The following CSMD1 variants were observed in gnomAD, a reference collection of about 807,000 sequenced individuals.
CSMD1 encodes CUB and sushi domain-containing protein 1.
A neutral mutation model predicts 417.5 loss-of-function variants in CSMD1; 213 were observed. That is an observed-to-expected ratio of 0.51 (90% CI 0.46 to 0.57). The LOEUF (loss-of-function observed/expected upper bound fraction) is 0.57. Ranked by LOEUF, CSMD1 falls within the 20% of genes least tolerant of loss-of-function variation. The probability of loss-of-function intolerance (pLI) is 0.00; values close to 1 mark genes in which losing one functional copy is unlikely to be tolerated. For missense variants in CSMD1, 6,923 were observed against 4,529.7 expected (o/e 1.53, Z -15.17); for synonymous variants, 2,862 against 1,736.8 (o/e 1.65, Z -16.11).
At chr8:3,845,253 C>G (rs922771590) in intron 5 of CSMD1, among the ~76,000 whole-genome samples, 1 of 152,176 alleles carries the variant, frequency 6.6e-6, no homozygotes, top group African/African-American at 2.4e-5. Flanking sequence ...ACATAGTTTG[C>G]TGATTTGTCC....
At chr8:3,317,676 ATAC>A (rs1208829132) in intron 23 of CSMD1, among the ~76,000 whole-genome samples, 1 of 152,244 alleles carries the variant, frequency 6.6e-6, no homozygotes, top group Non-Finnish European at 1.5e-5. Flanking sequence ...TATCTGGTTA[ATAC>A]TACGTTTATT....
At chr8:3,831,452 G>T (rs138939577) in intron 5 of CSMD1, among the ~76,000 whole-genome samples, 2 of 152,100 alleles carry the variant, frequency 1.3e-5, no homozygotes, top group Admixed American at 6.6e-5. Context: ...AAACATCCAG[G>T]AGATTCCTTA....
At chr8:3,732,997 A>G (rs1003845149) in intron 6 of CSMD1, among the ~76,000 whole-genome samples, 10 of 152,044 alleles carry the variant, frequency 6.6e-5, no homozygotes, top group African/African-American at 2.4e-4. Context: ...CTACCTACCT[A>G]AAGATACGTG....
intron 5 of CSMD1, among the ~76,000 whole-genome samples, chr8:3,985,984 C>T (rs555075075): frequency 6.6e-6 from 1 of 151,842 alleles, no homozygotes; most frequent in African/African-American, 2.4e-5. Flanking sequence ...CCTCTGACTC[C>T]CATTTAAGCC....
intron 39 of CSMD1, among the ~76,000 whole-genome samples, chr8:3,155,877 T>A (rs1819498668): frequency 6.6e-6 from 1 of 152,240 alleles, no homozygotes; most frequent in Non-Finnish European, 1.5e-5. Context: ...CTGAAGTTTT[T>A]TGTTTTACAG....
intron 3 of CSMD1, among the ~76,000 whole-genome samples, chr8:4,292,977 G>T (rs941386317): frequency 6.6e-6 from 1 of 152,190 alleles, no homozygotes; most frequent in Non-Finnish European, 1.5e-5. Flanking sequence ...CAAAAGACGT[G>T]AACAGTCTCT....
chr8:4,124,270 G>C (rs1353200256), intron 3 of CSMD1, among the ~76,000 whole-genome samples: 2 of 152,074 alleles, frequency 1.3e-5, no homozygotes, highest in African/African-American at 2.4e-5. Context: ...GCACTGACTG[G>C]CAAATTAATA....
intron 1 of CSMD1, among the ~76,000 whole-genome samples, chr8:4,691,107 T>C (rs2116763161): frequency 6.6e-6 from 1 of 152,266 alleles, no homozygotes; most frequent in South Asian, 2.1e-4. Flanking sequence ...TTCCCCATCT[T>C]TATGACAGAA....
intron 5 of CSMD1, among the ~76,000 whole-genome samples, chr8:3,988,994 A>G (rs1459987431): frequency 1.3e-5 from 2 of 152,234 alleles, no homozygotes; most frequent in African/African-American, 4.8e-5. Flanking sequence ...AGAACTAGAT[A>G]CAGGTAAAAA....
chr8:4,890,418 G>T (rs542278228), intron 1 of CSMD1, among the ~76,000 whole-genome samples: 1 of 150,556 alleles, frequency 6.6e-6, no homozygotes, highest in Non-Finnish European at 1.5e-5. Context: ...AGGTGAGAGC[G>T]TGACTCCGAC....
At chr8:3,451,306 G>A (rs1211995308) in intron 12 of CSMD1, among the ~76,000 whole-genome samples, 3 of 152,164 alleles carry the variant, frequency 2.0e-5, no homozygotes, top group Admixed American at 1.3e-4. Context: ...CTGCACAGAA[G>A]CTCTTTAGTT....
intron 5 of CSMD1, among the ~76,000 whole-genome samples, chr8:3,907,147 C>T (rs1008201242): frequency 7.9e-5 from 12 of 152,212 alleles, no homozygotes; most frequent in African/African-American, 2.6e-4. Flanking sequence ...TTTCATGTTA[C>T]GTTGTGTATT....
At chr8:4,753,478 T>A (rs1811476866) in intron 1 of CSMD1, among the ~76,000 whole-genome samples, 2 of 151,010 alleles carry the variant, frequency 1.3e-5, no homozygotes, top group Admixed American at 1.3e-4. Flanking sequence ...TCTTATGAAT[T>A]TTCCCCTCCA....
In CSMD1 at chr8:3,387,565, G is replaced by A. The variant is rs774924372; in HGVS notation, c.2711C>T (p.Thr904Ile). Residue 904 changes from threonine (T) to isoleucine (I), a missense_variant, in exon 18 of 70, where the codon ACA (threonine) becomes ATA (isoleucine). Physicochemically the swap from Thr to Ile is moderately conservative, Grantham distance 89 (BLOSUM62 -1). Transcript: ENST00000635120. ...GACGAGGGGCTCGTCGTCACTTAGT[G>A]TGTACCCCGGGTCACAGCTGAAAGT... is the stretch of plus-strand genomic sequence containing the variant. Reference protein sequence around the residue: ...TVTFSCDPGYTLSDDEPLVCE... With the variant: ...TVTFSCDPGYILSDDEPLVCE... 1.2e-6 allele frequency: 2 copies of A among 1,601,468 alleles called. No individual in the cohort carries two copies. Among genetic ancestry groups the A allele is most frequent in the African/African-American group, 1.3e-5 (1 of 74,668 alleles).
chr8:4,726,676 G>C (rs181755682), intron 1 of CSMD1, among the ~76,000 whole-genome samples: 1 of 152,152 alleles, frequency 6.6e-6, no homozygotes, highest in Admixed American at 6.6e-5. Context: ...TTGCTCTGCT[G>C]CTGTCCTATT....
At chr8:3,506,512 T>C (rs1796834420) in intron 10 of CSMD1, among the ~76,000 whole-genome samples, 1 of 152,210 alleles carries the variant, frequency 6.6e-6, no homozygotes, top group Admixed American at 6.5e-5. Context: ...AATAATGCTC[T>C]ATGGAGCAGC....
intron 49 of CSMD1, among the ~76,000 whole-genome samples, chr8:3,061,377 A>G (rs551489543): frequency 6.6e-6 from 1 of 152,354 alleles, no homozygotes; most frequent in Non-Finnish European, 1.5e-5. Flanking sequence ...TTTTTAAATG[A>G]AGGTCAGCTA....
At chr8:4,752,413 A>T (rs11776095) in intron 1 of CSMD1, among the ~76,000 whole-genome samples, 17,557 of 152,234 alleles carry the variant, frequency 0.12, 1,063 homozygotes, top group Non-Finnish European at 0.13. Flanking sequence ...ATAGGTATGG[A>T]CTGAACTTGT....
At position 3,772,333 on chromosome 8, in the gene CSMD1, A is replaced by ATATATACATAT. The variant is rs1171278426; in HGVS notation, c.819-18292_819-18291insATATGTATATA. On this transcript the variant is annotated intron_variant, in intron 5 of 69. Transcript: ENST00000635120. ...TAGACATACATATGTACATATATTT[A>ATATATACATAT]GACATACATATATACATATATTTAT... 1.6e-3 allele frequency among the ~76,000 whole-genome samples: 88 copies of ATATATACATAT among 53,566 alleles called. 12 individuals are homozygous for ATATATACATAT. Among genetic ancestry groups the ATATATACATAT allele is most frequent in the African/African-American group, 2.7e-3 (30 of 10,954 alleles). 35.1% of individuals were successfully genotyped at this position (53,566 alleles called of 152,430 possible).
Sources: allele counts gnomAD v4.1 joint callset (sites outside exome capture counted in the v4.1 genomes callset), GRCh38; gene constraint gnomAD v4.1.1; transcripts MANE v1.5; gene names NCBI Gene and HGNC (gene_info 2026-07-23, HGNC 2026-07-21).